TJP1: variants seen among roughly 807,000 people sequenced by gnomAD.
The protein encoded by TJP1 is tight junction protein 1, also known as tight junction protein ZO-1.
A neutral mutation model predicts 194.2 loss-of-function variants in TJP1; 43 were observed. The observed-to-expected ratio is 0.22, with a 90% CI of 0.17 to 0.29. The LOEUF is 0.29. Ranked by LOEUF, TJP1 falls within the 10% of genes least tolerant of loss-of-function variation. The probability of loss-of-function intolerance (pLI) is 1.00; values close to 1 mark genes in which losing one functional copy is unlikely to be tolerated. For synonymous variants in TJP1, 801 were observed against 779.0 expected, an observed-to-expected ratio of 1.03 and a Z score of -0.47; for missense variants, 1,971 against 2,185.7, an observed-to-expected ratio of 0.90 and a Z score of 1.96.
At chr15:29,928,339 A>T (rs544976990) in intron 2 of TJP1, among the ~76,000 whole-genome samples, 1 of 152,258 alleles carries the variant, frequency 6.6e-6, no homozygotes, top group Non-Finnish European at 1.5e-5. Flanking sequence ...CTACTAGTAC[A>T]TCCCAACTAT....
intron 2 of TJP1, among the ~76,000 whole-genome samples, chr15:29,912,063 T>A (rs1489416908): frequency 6.6e-6 from 1 of 152,206 alleles, no homozygotes; most frequent in African/African-American, 2.4e-5. Flanking sequence ...AAGTCCAACA[T>A]TACAGCTCTG....
intron 2 of TJP1, among the ~76,000 whole-genome samples, chr15:29,891,167 G>T (rs1008865744): frequency 2.6e-5 from 4 of 152,196 alleles, no homozygotes; most frequent in Admixed American, 2.6e-4. Context: ...CCTTATGAAT[G>T]GATGTGAGGT....
In TJP1 at chr15:29,822,035, T is replaced by A; in HGVS notation, c.-7A>T. The stretch of plus-strand genomic sequence containing the variant: ...CCGCAGCTCTGGCGGACATCTTGTC[T>A]CTCTCCAGCGCCGCGCGAGGCTCCT... On this transcript the variant is annotated 5_prime_UTR_variant, in exon 1 of 28. Transcript: ENST00000614355. The A allele has an allele frequency of 6.7e-6, 9 of 1,348,444 alleles. No homozygotes were observed. The highest frequency in any genetic ancestry group is 8.6e-6 in the Non-Finnish European group (9 of 1,046,802). 83.5% of individuals were successfully genotyped at this position (1,348,444 alleles called of 1,614,324 possible).
intron 23 of TJP1, among the ~76,000 whole-genome samples, chr15:29,711,944 T>C (rs1282797232): frequency 6.6e-6 from 1 of 152,230 alleles, no homozygotes; most frequent in African/African-American, 2.4e-5. Context: ...GGTCCATTTT[T>C]TGGTTAAATG....
At chr15:29,896,138 G>A (rs1297234376) in intron 2 of TJP1, among the ~76,000 whole-genome samples, 1 of 152,132 alleles carries the variant, frequency 6.6e-6, no homozygotes, top group Non-Finnish European at 1.5e-5. Flanking sequence ...AAATGATATG[G>A]TTTGGCTGTG....
intron 2 of TJP1, among the ~76,000 whole-genome samples, chr15:29,852,684 G>A (rs1007413065): frequency 6.6e-6 from 1 of 152,070 alleles, no homozygotes; most frequent in Non-Finnish European, 1.5e-5. Context: ...CGAGGTGGGC[G>A]GATCACCTGA....
Position 29,720,634 on chromosome 15 carries a change from T to A in TJP1, c.2487A>T (p.Glu829Asp), listed in dbSNP as rs1566893552. 3.1e-6 allele frequency: 5 copies of A among 1,614,148 alleles called. No individual in the cohort carries two copies. The highest frequency in any genetic ancestry group is 3.4e-6 in the Non-Finnish European group (4 of 1,180,006). ...TACTGTCCGTGCTATACATTGAGTA[T>A]TCACTACCTGGAGCTGACAGGTAGG... ...RLSYLSAPGS[E>D]YSMYSTDSRH... The change falls in exon 19 of 28, where the codon GAA becomes GAT. Residue 829 changes from glutamate to aspartate, a missense_variant. Glu to Asp is a conservative substitution (Grantham distance 45, BLOSUM62 2). Transcript: ENST00000614355.
intron 2 of TJP1, among the ~76,000 whole-genome samples, chr15:29,866,856 C>A (rs908194608): frequency 6.6e-6 from 1 of 152,180 alleles, no homozygotes; most frequent in African/African-American, 2.4e-5. Context: ...TTTCCAGGGG[C>A]CGCCCTAACC....
In TJP1 at chr15:29,765,036, T is replaced by G. The variant is rs138361705; in HGVS notation, c.589+1230A>C. ...AAAGGGCAGGGTGAGGAGAATGAGC[T>G]TGCAAAAGATACAGAAAGGTGGGGG... On this transcript the variant is annotated intron_variant, in intron 5 of 27. Coordinates refer to ENST00000614355, the MANE Select transcript of TJP1 (RefSeq NM_001330239.4). 5.6e-3 allele frequency among the ~76,000 whole-genome samples: 859 copies of G among 152,162 alleles called. 15 individuals carry two copies. Among genetic ancestry groups the G allele is most frequent in the African/African-American group, 0.02 (811 of 41,522 alleles).
intron 23 of TJP1, among the ~76,000 whole-genome samples, chr15:29,716,350 G>A (rs1168530472): frequency 1.3e-5 from 2 of 152,200 alleles, no homozygotes; most frequent in African/African-American, 2.4e-5. Flanking sequence ...ACCTATCGAT[G>A]AGGGTCCTTG....
At chr15:29,746,412 A>G (rs1044229226) in intron 8 of TJP1, among the ~76,000 whole-genome samples, 2 of 152,076 alleles carry the variant, frequency 1.3e-5, no homozygotes, top group African/African-American at 4.8e-5. Flanking sequence ...ACTTCAAAAC[A>G]AAATGCCAAA....
intron 26 of TJP1, among the ~76,000 whole-genome samples, chr15:29,704,558 A>C (rs1003568377): frequency 6.6e-6 from 1 of 152,244 alleles, no homozygotes; most frequent in South Asian, 2.1e-4. Context: ...ACTCAATATA[A>C]CGAAAACACT....
At chr15:29,795,353 G>A (rs1046242373) in intron 2 of TJP1, among the ~76,000 whole-genome samples, 3 of 150,610 alleles carry the variant, frequency 2.0e-5, no homozygotes, top group Admixed American at 6.6e-5. Flanking sequence ...AACCGCAGAG[G>A]TTGCAGTGAG....
At chr15:29,962,015 T>C (rs1223999441) in intron 1 of TJP1, among the ~76,000 whole-genome samples, 2 of 152,224 alleles carry the variant, frequency 1.3e-5, no homozygotes, top group Non-Finnish European at 1.5e-5. Context: ...ACCCATTATG[T>C]CACACCTACA....
In TJP1 at chr15:29,701,594, G is replaced by A; in HGVS notation, c.*1C>T. ...TTATTTAAGTTCCTATATTTCAAGA[G>A]TTAAAAGTGGTCAATAAGGACAGAA... On this transcript the variant is annotated 3_prime_UTR_variant, in exon 28 of 28. Coordinates refer to ENST00000614355, the MANE Select transcript of TJP1 (RefSeq NM_001330239.4). 6.2e-7 allele frequency: 1 copy of A among 1,610,406 alleles called. No homozygotes were observed. Among genetic ancestry groups the A allele is most frequent in the South Asian group, 1.1e-5 (1 of 90,958 alleles).
intron 15 of TJP1, 132 bp from the exon 16 acceptor site, chr15:29,728,151 A>G (rs1218684233): frequency 1.7e-6 from 1 of 577,836 alleles, no homozygotes; most frequent in Non-Finnish European, 3.0e-6. Flanking sequence ...TTATGCATGC[A>G]GTACTTAAAG....
At chr15:29,775,259 C>T (rs571276829) in intron 2 of TJP1, among the ~76,000 whole-genome samples, 15 of 150,324 alleles carry the variant, frequency 1.0e-4, no homozygotes, top group African/African-American at 2.0e-4. Context: ...GCTGGCAATT[C>T]GGTATACCAA....
chr15:29,900,801 A>G (rs2053611602), intron 2 of TJP1, among the ~76,000 whole-genome samples: 1 of 152,178 alleles, frequency 6.6e-6, no homozygotes, highest in African/African-American at 2.4e-5. Flanking sequence ...TGACTTTGCT[A>G]GGTCCAGAAA....
intron 2 of TJP1, among the ~76,000 whole-genome samples, chr15:29,933,138 T>C (rs1567208983): frequency 6.6e-6 from 1 of 152,188 alleles, no homozygotes; most frequent in Non-Finnish European, 1.5e-5. Context: ...TTGTTTCTAT[T>C]AATAAATACA....
Sources: allele counts gnomAD v4.1 joint callset (sites outside exome capture counted in the v4.1 genomes callset), GRCh38; gene constraint gnomAD v4.1.1; transcripts MANE v1.5; gene names NCBI Gene and HGNC (gene_info 2026-07-23, HGNC 2026-07-21).